The following CROCC variants were observed in gnomAD, a reference collection of about 807,000 sequenced individuals.
CROCC encodes rootletin.
A neutral mutation model predicts 245.2 loss-of-function variants in CROCC; 180 were observed. The observed-to-expected ratio is 0.73, with a 90% CI of 0.65 to 0.83. The LOEUF is 0.83. Among genes scored for constraint, CROCC ranks in the 40% least tolerant of loss-of-function variants. The pLI is 0.00. For synonymous variants in CROCC, 1,205 were observed against 1,241.6 expected (o/e 0.97, Z 0.62); for missense variants, 2,688 against 2,779.4 (o/e 0.97, Z 0.74).
At chr1:16,970,811 T>C in intron 35 of CROCC, 44 bp downstream of exon 35, 1 of 1,514,818 alleles carries the variant, frequency 6.6e-7, no homozygotes, top group South Asian at 1.3e-5. Flanking sequence ...ATCCCTAGTA[T>C]GAGTGCTCAG....
intron 1 of CROCC, among the ~76,000 whole-genome samples, chr1:16,916,732 C>T (rs1275235399): frequency 6.6e-6 from 1 of 152,292 alleles, no homozygotes; most frequent in Non-Finnish European, 1.5e-5. Context: ...GGGCTGGTCT[C>T]AAACGCCTGG....
At chr1:16,970,965 G>C (rs750948786) in intron 35 of CROCC, 198 bp downstream of exon 35, 1 of 540,004 alleles carries the variant, frequency 1.9e-6, no homozygotes, top group Non-Finnish European at 3.1e-6. Context: ...AGGCCTGTTT[G>C]CACGTGAGCC....
intron 8 of CROCC, among the ~76,000 whole-genome samples, chr1:16,934,759 C>T (rs1302850791): frequency 6.6e-6 from 1 of 152,188 alleles, no homozygotes; most frequent in African/African-American, 2.4e-5. Flanking sequence ...CTCTTCCCTC[C>T]TTGGAGGCAA....
chr1:16,922,645 C>T lies in CROCC; in HGVS notation c.61-18C>T. 3 of 1,592,080 alleles carry T rather than the reference C, an allele frequency of 1.9e-6. No individual in the cohort carries two copies. The highest frequency in any genetic ancestry group is 2.6e-6 in the Non-Finnish European group (3 of 1,168,772). On this transcript the variant is annotated intron_variant, in intron 1 of 36. Coordinates refer to ENST00000375541, the MANE Select transcript of CROCC (RefSeq NM_014675.5). ...CCGGGTCCCATGTCCCCTGAAGACC[C>T]TCTCGCTTTTCCCACAGACACTGGA...
At chr1:16,963,178 C>T (rs941396935) in intron 27 of CROCC, among the ~76,000 whole-genome samples, 2 of 142,100 alleles carry the variant, frequency 1.4e-5, no homozygotes, top group Admixed American at 7.0e-5. Context: ...AGCGAAACTC[C>T]GTCTCAGAAA....
In CROCC at chr1:16,954,491, T is replaced by C; in HGVS notation, c.3321+134T>C. On this transcript the variant is annotated intron_variant, in intron 22 of 36. Coordinates refer to ENST00000375541, the MANE Select transcript of CROCC (RefSeq NM_014675.5). The surrounding 1 kb of genome is among the most constrained non-coding windows in gnomAD (Gnocchi z 4.4). The stretch of plus-strand genomic sequence containing the variant: ...TGTGGGAAAGGAGGTTTAGCCCTTC[T>C]TTTGGGAGCCCCCATCTGAGGGAGG... 1.5e-6 allele frequency: 2 copies of C among 1,325,458 alleles called. No homozygotes were observed. The highest frequency in any genetic ancestry group is 5.6e-5 in the Admixed American group (2 of 35,900). 82.1% of individuals were successfully genotyped at this position (1,325,458 alleles called of 1,614,324 possible). A position where few individuals can be genotyped will look rare whatever the true frequency, so the allele number is the denominator to read the frequency against.
chr1:16,937,631 C>G lies in CROCC; in HGVS notation c.1194-10C>G, dbSNP rs748668697. ...TCCCGTATTCACCTCTGTTGCTCCC[C>G]CAACTCCAGAGTGACAGAGCTGGGC... On this transcript the variant is annotated splice_polypyrimidine_tract_variant and intron_variant, in intron 9 of 36. Transcript: ENST00000375541. The G allele has an allele frequency of 6.2e-7, 1 of 1,607,720 alleles. No homozygotes were observed. Among genetic ancestry groups the G allele is most frequent in the Non-Finnish European group, 8.5e-7 (1 of 1,176,696 alleles).
chr1:16,961,169 G>A, intron 27 of CROCC, 39 bp downstream of exon 27: 2 of 1,283,766 alleles, frequency 1.6e-6, no homozygotes, highest in South Asian at 2.2e-5. Flanking sequence ...GGGGAGGTGG[G>A]CGGGCCGCAC....
At chr1:16,949,809 G>T (rs1557620185) in intron 19 of CROCC, among the ~76,000 whole-genome samples, 1 of 152,202 alleles carries the variant, frequency 6.6e-6, no homozygotes, top group Non-Finnish European at 1.5e-5. Flanking sequence ...CACTCTTGTT[G>T]CCCAGGCGGG....
chr1:16,969,065 A>T, intron 31 of CROCC, 51 bp from the exon 32 acceptor site: 1 of 1,533,816 alleles, frequency 6.5e-7, no homozygotes. Context: ...GAGCAGAGGT[A>T]TAGAGGCCAG....
chr1:16,922,817 C>T lies in CROCC; in HGVS notation c.196+19C>T. The T allele has an allele frequency of 1.9e-6, 3 of 1,606,496 alleles. No individual in the cohort carries two copies. Among genetic ancestry groups the T allele is most frequent in the South Asian group, 1.1e-5 (1 of 90,064 alleles). ...AGCCCAGGTGCCACCCCCATCCGCT[C>T]CCCTCCACAAACACCACCCACATTT... is the stretch of plus-strand genomic sequence containing the variant. On this transcript the variant is annotated intron_variant, in intron 2 of 36. Transcript: ENST00000375541.
intron 30 of CROCC, among the ~76,000 whole-genome samples, chr1:16,967,336 C>T (rs2076435201): frequency 1.3e-5 from 2 of 152,172 alleles, no homozygotes; most frequent in Non-Finnish European, 2.9e-5. Flanking sequence ...ACAGTGCAGC[C>T]AAAGCTCCCC....
At chr1:16,933,535 G>A (rs1399685605) in intron 8 of CROCC, among the ~76,000 whole-genome samples, 1 of 152,252 alleles carries the variant, frequency 6.6e-6, no homozygotes, top group Non-Finnish European at 1.5e-5. Flanking sequence ...TCGATCCATA[G>A]ACATTTACAA....
chr1:16,970,473 C>T lies in CROCC; in HGVS notation c.5652+20C>T, dbSNP rs1162743751. The T allele has an allele frequency of 2.6e-6, 4 of 1,547,928 alleles. No homozygotes were observed. Among genetic ancestry groups the T allele is most frequent in the Non-Finnish European group, 3.5e-6 (4 of 1,142,704 alleles). On this transcript the variant is annotated intron_variant, in intron 34 of 36. Transcript: ENST00000375541. ...GACAAGGTAGGCTGCTCCCCAGGCT[C>T]TCCCCTCACTTCCTCTGGGGCCTAA...
rs768153372 is a variant in CROCC, at chr1:16,930,112, C to T, written c.538-12C>T. 6.3e-7 allele frequency: 1 copy of T among 1,586,196 alleles called. No individual in the cohort carries two copies. Among genetic ancestry groups the T allele is most frequent in the Non-Finnish European group, 8.6e-7 (1 of 1,167,274 alleles). On this transcript the variant is annotated splice_polypyrimidine_tract_variant and intron_variant, in intron 4 of 36. Transcript: ENST00000375541. ...CAACCCCTGGGGCTCACCATCAGCT[C>T]CCCATCCCCAGATTCTCCAGTACAA...
intron 8 of CROCC, among the ~76,000 whole-genome samples, chr1:16,935,405 C>T (rs2075766482): frequency 6.6e-6 from 1 of 152,202 alleles, no homozygotes; most frequent in South Asian, 2.1e-4. Context: ...AAGAACTTCT[C>T]CACTGGTTTT....
intron 36 of CROCC, 57 bp from the exon 37 acceptor site, chr1:16,972,303 C>G: frequency 6.9e-7 from 1 of 1,450,458 alleles, no homozygotes; most frequent in Non-Finnish European, 9.7e-7. Context: ...TGCTGCCTCC[C>G]TTTCTCTGAA....
rs772425897 is a variant in CROCC, at chr1:16,968,258, G to A, written c.4916G>A (p.Arg1639His). The A allele has an allele frequency of 1.7e-5, 27 of 1,566,406 alleles. No individual in the cohort carries two copies. The highest frequency in any genetic ancestry group is 4.1e-5 in the African/African-American group (3 of 73,806). Residue 1639 changes from arginine (R) to histidine (H), a missense_variant, in exon 31 of 37, where the codon CGC becomes CAC. This residue lies in a region of CROCC where 1,218 missense variants were observed against 1,286.3 expected (regional missense o/e 0.95). Transcript: ENST00000375541. ...NETKLEGDKR[R>H]LKEVLDASES... ...ACAAAGCTGGAGGGCGACAAGCGGC[G>A]CCTGAAGGAGGTTCTGGACGCCTCC...
In CROCC at chr1:16,924,428, C is replaced by T. The variant is rs1207785974; in HGVS notation, c.300C>T (p.Ser100=). 6.2e-7 allele frequency: 1 copy of T among 1,613,306 alleles called. No homozygotes were observed. Among genetic ancestry groups the T allele is most frequent in the Non-Finnish European group, 8.5e-7 (1 of 1,179,882 alleles). Reference sequence around the variant, plus strand: ...GCGTGGAGGACCTGCTGGCCCAGAGCCGTGCCGAGCGCGATGAGCTCGCCA... The same window carrying T: ...GCGTGGAGGACCTGCTGGCCCAGAGTCGTGCCGAGCGCGATGAGCTCGCCA... ...LSRVEDLLAQ[S]RAERDELAIK... Residue 100 remains serine (S), a synonymous_variant, in exon 3 of 37, where the codon AGC becomes AGT. Coordinates refer to ENST00000375541, the MANE Select transcript of CROCC (RefSeq NM_014675.5).
Sources: gnomAD v4.1 joint callset for allele counts (sites outside exome capture counted in the v4.1 genomes callset) on GRCh38, gnomAD v4.1.1 for gene constraint, gnomAD v4.1.1 regional missense constraint, Gnocchi (gnomAD v3.1) non-coding constraint, MANE v1.5 for transcripts, NCBI Gene and HGNC (gene_info 2026-07-23, HGNC 2026-07-21) for gene names.